Variants in EFR3A observed in about 807,000 individuals in gnomAD.
EFR3A encodes the protein EFR3 homolog A.
EFR3A carries 76 observed loss-of-function variants against 104.4 expected under a neutral mutation model. The observed-to-expected ratio is 0.73, with a 90% CI of 0.60 to 0.88. The LOEUF (loss-of-function observed/expected upper bound fraction) is 0.88, where lower values mean the gene tolerates loss of function less well. Ranked by LOEUF, EFR3A falls within the 40% of genes least tolerant of loss-of-function variation. The probability of loss-of-function intolerance (pLI) is 0.00; values close to 1 mark genes in which losing one functional copy is unlikely to be tolerated. For missense variants in EFR3A, 985 were observed against 1,012.5 expected (o/e 0.97, Z 0.37); for synonymous variants, 330 against 330.0 (o/e 1.00, Z 0.00).
At chr8:131,973,507 A>T (rs1820178422) in intron 10 of EFR3A, among the ~76,000 whole-genome samples, 1 of 152,228 alleles carries the variant, frequency 6.6e-6, no homozygotes, top group Admixed American at 6.5e-5. Flanking sequence ...CATTCAGAAT[A>T]ACATGTAAGA....
chr8:131,959,935 CCT>C (rs1324596152), intron 8 of EFR3A, among the ~76,000 whole-genome samples: 1 of 152,188 alleles, frequency 6.6e-6, no homozygotes, highest in Non-Finnish European at 1.5e-5. Flanking sequence ...CCTGCTATCC[CCT>C]GATTCATTGA....
At chr8:131,961,638 G>A (rs753423201) in intron 8 of EFR3A, among the ~76,000 whole-genome samples, 7 of 152,134 alleles carry the variant, frequency 4.6e-5, no homozygotes, top group Non-Finnish European at 8.8e-5. Flanking sequence ...AAACACTGCA[G>A]GATATTATCC....
intron 22 of EFR3A, among the ~76,000 whole-genome samples, chr8:132,007,260 T>C (rs150107238): frequency 5.9e-4 from 90 of 152,052 alleles, no homozygotes; most frequent in Non-Finnish European, 9.4e-4. Context: ...AAAACCCTAC[T>C]AGAGTTAATA....
Position 132,001,885 on chromosome 8 carries a change from G to C in EFR3A, c.2206+78G>C, listed in dbSNP as rs973104480. ...GCTGCTTTTTTCGATGACAGAATAC[G>C]TAGAGGGGACATTACAAAAATAAAC... is the stretch of plus-strand genomic sequence containing the variant. On this transcript the variant is annotated intron_variant, in intron 20 of 22. Transcript: ENST00000254624. 3 of 1,205,824 alleles carry C rather than the reference G, an allele frequency of 2.5e-6. No individual in the cohort carries two copies. In the East Asian group the frequency reaches 7.0e-5, roughly 28 times the overall value. The allele number at this position is 1,205,824 out of a possible 1,614,324, so 74.7% of individuals were successfully genotyped here. A position where few individuals can be genotyped will look rare whatever the true frequency, so the allele number is the denominator to read the frequency against.
At chr8:131,956,923 C>T (rs75550479) in intron 7 of EFR3A, among the ~76,000 whole-genome samples, 6,569 of 152,050 alleles carry the variant, frequency 0.043, 345 homozygotes, top group East Asian at 0.12. Flanking sequence ...GCTGACTTAA[C>T]GTCAGAATTC....
At chr8:131,918,801 G>A (rs1816861347) in intron 1 of EFR3A, among the ~76,000 whole-genome samples, 1 of 152,140 alleles carries the variant, frequency 6.6e-6, no homozygotes, top group Non-Finnish European at 1.5e-5. Flanking sequence ...TTGTTGCTCT[G>A]TGACTAATGA....
chr8:131,947,400 C>A (rs1586584051), intron 4 of EFR3A, among the ~76,000 whole-genome samples: 1 of 151,864 alleles, frequency 6.6e-6, no homozygotes, highest in Admixed American at 6.6e-5. Context: ...TTTATATATT[C>A]TTGATAAGAG....
chr8:131,925,550 A>G lies in EFR3A; in HGVS notation c.11-14949A>G, dbSNP rs116510827. Among the ~76,000 whole-genome samples the G allele has an allele frequency of 8.7e-3, 1,331 of 152,290 alleles. 21 individuals carry two copies. The highest frequency in any genetic ancestry group is 0.03 in the African/African-American group (1,258 of 41,550). The stretch of plus-strand genomic sequence containing the variant: ...TCTTGATTTGATTTGAGGACATTAA[A>G]TATGAAAACACAAAAGCATAAAAAT... On this transcript the variant is annotated intron_variant, in intron 1 of 22. Transcript: ENST00000254624.
chr8:132,003,278 A>G lies in EFR3A; in HGVS notation c.2353A>G (p.Thr785Ala), dbSNP rs1467962026. The stretch of plus-strand genomic sequence containing the variant: ...TAGACTTGCCCAAATATTGGAACTC[A>G]CCATACGGTAAGGGTTTTGTTATCA... ...HDRLAQILEL[T>A]IRPPPSPSGT... Residue 785 changes from threonine to alanine, a missense_variant, in exon 22 of 23, where the codon ACC becomes GCC. By Grantham distance (58) the Thr-to-Ala change is moderately conservative (BLOSUM62 0). Coordinates refer to ENST00000254624, the MANE Select transcript of EFR3A (RefSeq NM_015137.6). The G allele has an allele frequency of 3.7e-6, 6 of 1,612,572 alleles. No homozygotes were observed. The highest frequency in any genetic ancestry group is 4.2e-6 in the Non-Finnish European group (5 of 1,179,162).
intron 1 of EFR3A, among the ~76,000 whole-genome samples, chr8:131,917,694 G>T (rs1816809240): frequency 6.6e-6 from 1 of 152,114 alleles, no homozygotes; most frequent in Non-Finnish European, 1.5e-5. Context: ...CTTTATAGTT[G>T]CAGTAATAAA....
chr8:131,948,538 A>C (rs1380454228), intron 4 of EFR3A, among the ~76,000 whole-genome samples: 3 of 152,142 alleles, frequency 2.0e-5, no homozygotes, highest in Non-Finnish European at 4.4e-5. Context: ...TGACAAGCTT[A>C]GTTTCAGGCA....
At chr8:131,942,773 A>C (rs1457490368) in intron 2 of EFR3A, among the ~76,000 whole-genome samples, 1 of 152,090 alleles carries the variant, frequency 6.6e-6, no homozygotes, top group Non-Finnish European at 1.5e-5. Flanking sequence ...ACAGTATTGG[A>C]GGAAGCTAAG....
At chr8:131,948,252 T>C (rs1818531002) in intron 4 of EFR3A, among the ~76,000 whole-genome samples, 1 of 152,160 alleles carries the variant, frequency 6.6e-6, no homozygotes, top group African/African-American at 2.4e-5. Flanking sequence ...ACTACGCCTG[T>C]ACCGCTTTCT....
intron 1 of EFR3A, among the ~76,000 whole-genome samples, chr8:131,920,394 T>C (rs556097937): frequency 6.6e-6 from 1 of 152,230 alleles, no homozygotes; most frequent in Non-Finnish European, 1.5e-5. Flanking sequence ...GAACTTCTTA[T>C]GTAGACCCTC....
At chr8:131,987,319 A>G (rs756934068) in intron 17 of EFR3A, among the ~76,000 whole-genome samples, 1 of 152,284 alleles carries the variant, frequency 6.6e-6, no homozygotes, top group Middle Eastern at 3.4e-3. Flanking sequence ...ACAGAGTAAT[A>G]CAAGGCTGAA....
rs748439226 is a variant in EFR3A, at chr8:131,987,559, T to G, written c.1938-16T>G. On this transcript the variant is annotated splice_polypyrimidine_tract_variant and intron_variant, in intron 17 of 22. Coordinates refer to ENST00000254624, the MANE Select transcript of EFR3A (RefSeq NM_015137.6). ...AATTTAATACTGAATGATTGTTGTT[T>G]TGATGAACTTCGCAGGCTTCCAAAA... The G allele has an allele frequency of 1.3e-6, 2 of 1,579,844 alleles. No homozygotes were observed. The highest frequency in any genetic ancestry group is 1.7e-6 in the Non-Finnish European group (2 of 1,163,606).
At chr8:131,924,841 C>G (rs940012211) in intron 1 of EFR3A, among the ~76,000 whole-genome samples, 1 of 152,054 alleles carries the variant, frequency 6.6e-6, no homozygotes, top group African/African-American at 2.4e-5. Flanking sequence ...TTCTAGACTT[C>G]GATTTTTCTC....
At chr8:131,944,638 A>G (rs1234006490) in intron 2 of EFR3A, 107 bp from the exon 3 acceptor site, 6 of 1,100,480 alleles carry the variant, frequency 5.5e-6, no homozygotes, top group East Asian at 5.3e-5. Context: ...CTACATAAAT[A>G]TCGTTTAATC....
chr8:131,977,644 A>G (rs1220809896), intron 12 of EFR3A, among the ~76,000 whole-genome samples: 1 of 152,220 alleles, frequency 6.6e-6, no homozygotes, highest in African/African-American at 2.4e-5. Context: ...TTGCTAGCAC[A>G]TATGCGTCCT....
Sources: gnomAD v4.1 joint callset for allele counts (sites outside exome capture counted in the v4.1 genomes callset) on GRCh38, gnomAD v4.1.1 for gene constraint, MANE v1.5 for transcripts, NCBI Gene and HGNC (gene_info 2026-07-23, HGNC 2026-07-21) for gene names.